The following SGCD variants were observed in gnomAD, a reference collection of about 807,000 sequenced individuals.
The protein encoded by SGCD is sarcoglycan delta, also known as delta-sarcoglycan.
SGCD carries 18 observed loss-of-function variants against 36.6 expected under a neutral mutation model. The observed-to-expected ratio is 0.49, with a 90% CI of 0.34 to 0.73. The LOEUF (loss-of-function observed/expected upper bound fraction) is 0.73. SGCD is among the 30% of genes least tolerant of loss of function. The pLI is 0.01. For synonymous variants in SGCD, 133 were observed against 130.6 expected (o/e 1.02, Z -0.12); for missense variants, 387 against 346.7 (o/e 1.12, Z -0.92).
chr5:156,561,346 C>G (rs979186016), intron 4 of SGCD, among the ~76,000 whole-genome samples: 14 of 152,294 alleles, frequency 9.2e-5, no homozygotes, highest in Middle Eastern at 3.4e-3. Context: ...ATTTTTGAAG[C>G]CATGACTAGA....
chr5:155,766,018 A>AG, the SGCD span, among the ~76,000 whole-genome samples: 1 of 152,094 alleles, frequency 6.6e-6, no homozygotes, highest in South Asian at 2.1e-4. Context: ...GTCATTTTAA[A>AG]GGGATCCTAC....
chr5:156,202,910 G>C (rs1764186644), intron 3 of SGCD, among the ~76,000 whole-genome samples: 1 of 152,002 alleles, frequency 6.6e-6, no homozygotes. Flanking sequence ...TGATTGTAAA[G>C]GTTTTAATTT....
intron 1 of SGCD, among the ~76,000 whole-genome samples, chr5:155,974,398 A>G (rs1199242650): frequency 6.6e-5 from 10 of 152,018 alleles, no homozygotes; most frequent in Non-Finnish European, 1.3e-4. Context: ...ATGGGAGCAT[A>G]GTGAGTTTCT....
intron 3 of SGCD, among the ~76,000 whole-genome samples, chr5:156,397,009 G>A (rs754674166): frequency 6.6e-6 from 1 of 152,128 alleles, no homozygotes; most frequent in South Asian, 2.1e-4. Flanking sequence ...CAGATATTTT[G>A]GTCTGAGACT....
chr5:156,750,528 A>T (rs368734365), intron 7 of SGCD, among the ~76,000 whole-genome samples: 3 of 152,102 alleles, frequency 2.0e-5, no homozygotes, highest in Non-Finnish European at 2.9e-5. Context: ...AAATACAAAA[A>T]TTAGCCAGGT....
intron 1 of SGCD, among the ~76,000 whole-genome samples, chr5:156,047,439 T>C (rs1222532763): frequency 2.0e-5 from 3 of 152,020 alleles, no homozygotes; most frequent in African/African-American, 7.2e-5. Flanking sequence ...ACAGGCTGAC[T>C]CTCTTTTTAG....
chr5:156,331,630 A>C (rs1461203771), intron 2 of SGCD, among the ~76,000 whole-genome samples: 1 of 152,164 alleles, frequency 6.6e-6, no homozygotes, highest in Non-Finnish European at 1.5e-5. Flanking sequence ...CTGTCTTGTG[A>C]GCACCTTGAC....
chr5:155,860,151 C>T, the SGCD span, among the ~76,000 whole-genome samples: 1 of 152,124 alleles, frequency 6.6e-6, no homozygotes, highest in Non-Finnish European at 1.5e-5. Flanking sequence ...TGGGCAAAAC[C>T]GTTGTTTTTC....
rs369913228 is a variant in SGCD, at chr5:156,680,292, CT to C, written c.575+32759del. Among the ~76,000 whole-genome samples the C allele has an allele frequency of 3.2e-4, 48 of 152,256 alleles. 1 individual carries two copies. Among genetic ancestry groups the C allele is most frequent in the African/African-American group, 1.1e-3 (45 of 41,536 alleles). ...GTTTCCTGACCCCCGGGACTGGGTA[CT>C]TTCTGGTATTTGACTTCCTCAAACA... is the stretch of plus-strand genomic sequence containing the variant. On this transcript the variant is annotated intron_variant, in intron 7 of 8. Transcript: ENST00000337851.
chr5:156,557,810 G>A (rs938047929), intron 4 of SGCD, among the ~76,000 whole-genome samples: 1 of 151,784 alleles, frequency 6.6e-6, no homozygotes, highest in Admixed American at 6.6e-5. Context: ...CTCTTATATT[G>A]TGGGCAGGCC....
intron 4 of SGCD, among the ~76,000 whole-genome samples, chr5:156,587,690 TTC>T (rs1760550603): frequency 6.6e-6 from 1 of 152,154 alleles, no homozygotes; most frequent in African/African-American, 2.4e-5. Context: ...CTCTATGACT[TTC>T]TTTTTTCATT....
intron 4 of SGCD, among the ~76,000 whole-genome samples, chr5:156,566,906 C>G (rs934802167): frequency 6.6e-6 from 1 of 151,998 alleles, no homozygotes; most frequent in Non-Finnish European, 1.5e-5. Context: ...ATTATGATAC[C>G]TGAAACCATC....
At chr5:156,494,112 C>T (rs2127853127) in intron 3 of SGCD, among the ~76,000 whole-genome samples, 1 of 152,128 alleles carries the variant, frequency 6.6e-6, no homozygotes, top group East Asian at 1.9e-4. Context: ...GAGCTGGGGC[C>T]TGGAGGATGG....
chr5:156,410,890 G>C (rs1426865266), intron 3 of SGCD, among the ~76,000 whole-genome samples: 1 of 151,528 alleles, frequency 6.6e-6, no homozygotes, highest in Non-Finnish European at 1.5e-5. Context: ...TCTTCTCCCT[G>C]GACAAGATCA....
intron 3 of SGCD, among the ~76,000 whole-genome samples, chr5:156,394,131 T>G (rs1771729838): frequency 6.6e-6 from 1 of 152,126 alleles, no homozygotes; most frequent in African/African-American, 2.4e-5. Context: ...ACACAGTAGG[T>G]GGAGGATAAC....
intron 1 of SGCD, among the ~76,000 whole-genome samples, chr5:155,903,007 C>A (rs1756423459): frequency 6.6e-6 from 1 of 152,126 alleles, no homozygotes; most frequent in African/African-American, 2.4e-5. Flanking sequence ...AGTCTTTGGG[C>A]AATGATTATT....
chr5:156,167,361 G>T (rs1763237768), intron 3 of SGCD, among the ~76,000 whole-genome samples: 1 of 151,978 alleles, frequency 6.6e-6, no homozygotes, highest in Admixed American at 6.5e-5. Context: ...CTCCATGAGG[G>T]CATAACTGTG....
the SGCD span, among the ~76,000 whole-genome samples, chr5:155,853,623 T>C: frequency 5.8e-4 from 89 of 152,360 alleles, no homozygotes; most frequent in African/African-American, 2.1e-3. Flanking sequence ...AGCTCTTTGA[T>C]AATGTTCTCT....
chr5:155,898,164 T>A lies in SGCD; in HGVS notation c.-282+27740T>A, dbSNP rs563909480. Among the ~76,000 whole-genome samples the A allele has an allele frequency of 2.6e-5, 4 of 152,360 alleles. No homozygotes were observed. In the South Asian group the frequency reaches 8.3e-4, roughly 32 times the overall value. The stretch of plus-strand genomic sequence containing the variant: ...AAGAAATTTGTGCCAGGGATACTTA[T>A]CAGCAATTACCTTTTGGTAAATTGT... On this transcript the variant is annotated intron_variant, in intron 1 of 9. Coordinates refer to the SGCD transcript ENST00000517913.
Sources: gnomAD v4.1 joint callset for allele counts (sites outside exome capture counted in the v4.1 genomes callset) on GRCh38, gnomAD v4.1.1 for gene constraint, MANE v1.5 for transcripts, NCBI Gene and HGNC (gene_info 2026-07-23, HGNC 2026-07-21) for gene names.